The following STAP2 variants were observed in gnomAD, a reference collection of about 807,000 sequenced individuals.
The protein encoded by STAP2 is signal transducing adaptor family member 2, also known as signal-transducing adaptor protein 2.
In STAP2, 58 loss-of-function variants were observed where a neutral mutation model predicts 52.7. The ratio of observed to expected loss-of-function variants is 1.10; its 90% confidence interval spans 0.89 to 1.37. The LOEUF is 1.37. STAP2 is among the 40% of genes most tolerant of loss of function. STAP2 has a pLI of 0.00. For missense variants in STAP2, 522 were observed against 519.4 expected (o/e 1.00, Z -0.05); for synonymous variants, 231 against 210.5 (o/e 1.10, Z -0.84).
intron 4 of STAP2, 96 bp from the exon 5 acceptor site, chr19:4,330,157 G>C: frequency 1.1e-6 from 1 of 915,712 alleles, no homozygotes. Flanking sequence ...CCAGAGCTCA[G>C]AGCAATGAAC....
At position 4,327,460 on chromosome 19, in the gene STAP2, C is replaced by T. The variant is rs573371663; in HGVS notation, c.591-75G>A. The T allele has an allele frequency of 1.7e-4, 250 of 1,512,060 alleles. No individual in the cohort carries two copies. The African/African-American group carries it at 2.6e-3, about 16-fold the overall frequency. The allele number at this position is 1,512,060 out of a possible 1,614,324, so 93.7% of individuals were successfully genotyped here. A position where few individuals can be genotyped will look rare whatever the true frequency, so the allele number is the denominator to read the frequency against. ...CCCCTCAGGGAAGGCCCCGCCCCAA[C>T]TCCAGGCTCCGCCTCCAATAGAAAC... On this transcript the variant is annotated intron_variant, in intron 6 of 12. Transcript: ENST00000594605.
chr19:4,330,639 T>C (rs56083157), intron 4 of STAP2, among the ~76,000 whole-genome samples: 3,105 of 146,812 alleles, frequency 0.021, 78 homozygotes, highest in African/African-American at 0.063. Flanking sequence ...CAGGGTGAGG[T>C]AGGAAACAGG....
rs1487787206 is a variant in STAP2 at position 4,333,808 on chromosome 19, C to T, written c.183G>A (p.Glu61=). The T allele has an allele frequency of 6.2e-7, 1 of 1,613,920 alleles. No individual in the cohort carries two copies. Among genetic ancestry groups the T allele is most frequent in the Admixed American group, 1.7e-5 (1 of 60,004 alleles). The change falls in exon 3 of 13, where the codon GAG becomes GAA. Residue 61 remains glutamate (E), a synonymous_variant. Coordinates refer to ENST00000594605, the MANE Select transcript of STAP2 (RefSeq NM_001013841.2). ...YNSNRDFQHV[E]KLNLGAFEKL... ...TCTCAAATGCTCCCAAGTTGAGCTTCTCCACGTGCTGGGGGCATAGAAGCA... is the reference window on the plus strand; with the variant it reads ...TCTCAAATGCTCCCAAGTTGAGCTTTTCCACGTGCTGGGGGCATAGAAGCA...
chr19:4,328,972 G>A (rs1297592811), intron 5 of STAP2, 163 bp from the exon 6 acceptor site: 3 of 923,980 alleles, frequency 3.2e-6, no homozygotes, highest in South Asian at 1.9e-5. Context: ...GACCCAGTCC[G>A]GCCTTCCAGG....
chr19:4,325,531 T>C lies in STAP2; in HGVS notation c.844A>G (p.Thr282Ala). The change falls in exon 10 of 13, where the codon ACA becomes GCA. Residue 282 changes from threonine (T) to alanine (A), a missense_variant. Transcript: ENST00000594605. ...SAPGPGPAPC[T>A]GGPKPLSPAS... ...GGTGACAGCGGCTTGGGGCCACCTG[T>C]GCAGGGTGCAGGACCTGATGGGGAA... 6.3e-7 allele frequency: 1 copy of C among 1,597,228 alleles called. No homozygotes were observed. The highest frequency in any genetic ancestry group is 8.5e-7 in the Non-Finnish European group (1 of 1,172,496).
intron 1 of STAP2, among the ~76,000 whole-genome samples, chr19:4,335,423 C>T (rs1203082422): frequency 6.6e-6 from 1 of 151,758 alleles, no homozygotes; most frequent in Admixed American, 6.6e-5. Context: ...CTCATCCATC[C>T]ATCCACTCCC....
chr19:4,330,562 T>C (rs886336126), intron 4 of STAP2, among the ~76,000 whole-genome samples: 2 of 147,548 alleles, frequency 1.4e-5, no homozygotes, highest in Non-Finnish European at 3.0e-5. Context: ...AAAAAGTAGA[T>C]GCTGGAATCT....
intron 1 of STAP2, among the ~76,000 whole-genome samples, chr19:4,335,446 C>G (rs1209997183): frequency 2.0e-5 from 3 of 151,082 alleles, no homozygotes; most frequent in Non-Finnish European, 4.4e-5. Flanking sequence ...ATCCATCCAT[C>G]CACCCACTTG....
At chr19:4,335,069 A>G (rs1971959676) in intron 1 of STAP2, among the ~76,000 whole-genome samples, 1 of 129,126 alleles carries the variant, frequency 7.7e-6, no homozygotes, top group Admixed American at 7.7e-5. Flanking sequence ...ACCATCTATC[A>G]TCCATCCACC....
In STAP2 at chr19:4,328,713, G is replaced by C; in HGVS notation, c.552C>G (p.Ala184=). The change falls in exon 6 of 13, where the codon GCC becomes GCG. Residue 184 remains alanine (A), a synonymous_variant. Transcript: ENST00000594605. The part of the protein sequence containing the change: ...NLLLRPSGDG[A]DGVSVTTRQM... ...GCCGCGTGGTGACCGACACGCCGTC[G>C]GCGCCGTCCCCGCTGGGCCGCAGCA... The C allele has an allele frequency of 1.2e-6, 2 of 1,606,550 alleles. No individual in the cohort carries two copies. Among genetic ancestry groups the C allele is most frequent in the South Asian group, 1.1e-5 (1 of 90,154 alleles).
chr19:4,336,614 C>A (rs1971984700), intron 1 of STAP2, among the ~76,000 whole-genome samples: 1 of 151,764 alleles, frequency 6.6e-6, no homozygotes, highest in African/African-American at 2.4e-5. Flanking sequence ...CGCCCGGCCC[C>A]CATTATCTTT....
chr19:4,326,907 C>G (rs892225816), intron 9 of STAP2, 35 bp downstream of exon 9: 19 of 1,549,852 alleles, frequency 1.2e-5, no homozygotes, highest in Non-Finnish European at 1.6e-5. Context: ...GGTCCTCGAT[C>G]CCTCCCACCT....
Position 4,325,386 on chromosome 19 carries a change from CCCCA to C in STAP2, c.979+6_979+9del. ...ACCCCCAGCTCTCAGCAGCTCTGTT[CCCCA>C]CCCACCATCTTGGTTCTCATAGTCA... On this transcript the variant is annotated splice_donor_region_variant and intron_variant, in intron 10 of 12. Transcript: ENST00000594605. 1 of 1,614,064 alleles carries C rather than the reference CCCCA, an allele frequency of 6.2e-7. No homozygotes were observed. Among genetic ancestry groups the C allele is most frequent in the South Asian group, 1.1e-5 (1 of 90,936 alleles).
At chr19:4,332,107 A>C in intron 3 of STAP2, 29 bp from the exon 4 acceptor site, 1 of 1,600,724 alleles carries the variant, frequency 6.2e-7, no homozygotes, top group Non-Finnish European at 8.5e-7. Context: ...GAAAGAATCC[A>C]AGTCAGTGAG....
chr19:4,325,269 T>A lies in STAP2; in HGVS notation c.1019A>T (p.Lys340Met). ...SSWPVILKPK[K>M]LPKPPAKLPK... ...AAGCTTGGCAGGAGGCTTTGGCAACTTCTTTGGCTTCAGGATGACTGGCCA... is the reference window on the plus strand; with the variant it reads ...AAGCTTGGCAGGAGGCTTTGGCAACATCTTTGGCTTCAGGATGACTGGCCA... The change falls in exon 11 of 13, where the codon AAG (lysine) becomes ATG (methionine). Residue 340 changes from lysine to methionine, a missense_variant. Physicochemically the swap from Lys to Met is moderately conservative, Grantham distance 95. Coordinates refer to ENST00000594605, the MANE Select transcript of STAP2 (RefSeq NM_001013841.2). 1 of 1,613,052 alleles carries A rather than the reference T, an allele frequency of 6.2e-7. No individual in the cohort carries two copies. The highest frequency in any genetic ancestry group is 8.5e-7 in the Non-Finnish European group (1 of 1,179,504).
intron 6 of STAP2, 131 bp from the exon 7 acceptor site, chr19:4,327,516 G>T: frequency 4.2e-6 from 4 of 950,602 alleles, no homozygotes; most frequent in Non-Finnish European, 6.4e-6. Context: ...CCCACAGAAG[G>T]CCCCGCCACT....
Position 4,327,203 on chromosome 19 carries a change from G to A in STAP2, c.684C>T (p.Ala228=), listed in dbSNP as rs1971808184. The A allele has an allele frequency of 1.2e-6, 2 of 1,614,108 alleles. No individual in the cohort carries two copies. Among genetic ancestry groups the A allele is most frequent in the Non-Finnish European group, 8.5e-7 (1 of 1,180,022 alleles). The change falls in exon 8 of 13, where the codon GCC becomes GCT. Residue 228 remains alanine, a synonymous_variant. Coordinates refer to ENST00000594605, the MANE Select transcript of STAP2 (RefSeq NM_001013841.2). ...TATGCGACACGAAATAGTTGACCAC[G>A]GCGTCCAGGGAGGTGCAAGAGAACT... is the stretch of plus-strand genomic sequence containing the variant. ...EQPFSCTSLD[A]VVNYFVSHTK... is the part of the protein sequence containing the mutation.
rs552697213 is a variant in STAP2, at chr19:4,329,898, C to G, written c.455+63G>C. The G allele has an allele frequency of 3.5e-4, 512 of 1,447,638 alleles. 1 individual carries two copies. The African/African-American group carries it at 6.2e-3, about 17-fold the overall frequency. The allele number at this position is 1,447,638 out of a possible 1,614,324, so 89.7% of individuals were successfully genotyped here. ...CAGGGGACCCAACTCACCGCCCACC[C>G]TCAGCCACACAACCACCTCCCGTCC... is the stretch of plus-strand genomic sequence containing the variant. On this transcript the variant is annotated intron_variant, in intron 5 of 12. Transcript: ENST00000594605.
intron 9 of STAP2, 137 bp downstream of exon 9, chr19:4,326,805 G>A: frequency 8.7e-7 from 1 of 1,142,962 alleles, no homozygotes; most frequent in East Asian, 2.6e-5. Context: ...CTGACGGCAG[G>A]GTCTGAGTCA....
Sources: allele counts gnomAD v4.1 joint callset (sites outside exome capture counted in the v4.1 genomes callset), GRCh38; gene constraint gnomAD v4.1.1; transcripts MANE v1.5; gene names NCBI Gene and HGNC (gene_info 2026-07-23, HGNC 2026-07-21).